The following HOOK3 variants were observed in gnomAD, a reference collection of about 807,000 sequenced individuals.
HOOK3 encodes hook microtubule tethering protein 3.
HOOK3 carries 24 observed loss-of-function variants against 116.3 expected under a neutral mutation model. The ratio of observed to expected loss-of-function variants is 0.21; its 90% CI spans 0.15 to 0.29. The LOEUF (loss-of-function observed/expected upper bound fraction) is 0.29. Ranked by LOEUF, HOOK3 falls within the 10% of genes least tolerant of loss-of-function variation. HOOK3 has a pLI of 1.00. For missense variants in HOOK3, 632 were observed against 830.2 expected (o/e 0.76, Z 2.93); for synonymous variants, 275 against 283.0 (o/e 0.97, Z 0.28).
At chr8:42,938,969 C>T (rs986857810) in intron 4 of HOOK3, among the ~76,000 whole-genome samples, 3 of 152,084 alleles carry the variant, frequency 2.0e-5, no homozygotes, top group Admixed American at 6.6e-5. Flanking sequence ...ACATCTTGCA[C>T]CGCCCTTAAT....
rs1810004148 is a variant in HOOK3 at position 43,030,192 on chromosome 8, C to T, written c.*11694C>T. The T allele has an allele frequency of 1.0e-5, 2 of 200,750 alleles. No individual in the cohort carries two copies. The highest frequency in any genetic ancestry group is 2.0e-5 in the Non-Finnish European group (2 of 97,586). 12.4% of individuals were successfully genotyped at this position (200,750 alleles called of 1,614,324 possible). A position where few individuals can be genotyped will look rare whatever the true frequency, so the allele number is the denominator to read the frequency against. ...ATTGGTGGGTTTTCTGGCTGTTTTT[C>T]TGAGGTGAATGACTTGTTACAGAGC... On this transcript the variant is annotated 3_prime_UTR_variant, in exon 22 of 22. Transcript: ENST00000307602.
intron 7 of HOOK3, among the ~76,000 whole-genome samples, chr8:42,958,469 A>G (rs1214403747): frequency 6.6e-6 from 1 of 152,116 alleles, no homozygotes; most frequent in African/African-American, 2.4e-5. Flanking sequence ...AGAGTAAACA[A>G]ATTTTTTAAC....
Position 42,989,093 on chromosome 8 carries a change from A to G in HOOK3, c.1532+2298A>G, listed in dbSNP as rs559767137. On this transcript the variant is annotated intron_variant, in intron 15 of 21. Coordinates refer to ENST00000307602, the MANE Select transcript of HOOK3 (RefSeq NM_032410.4). ...TTCCCAAGAGTGAGCACTTTAGTGT[A>G]TCTGTAATACCTGCCAATCCTCAAA... 4.6e-5 allele frequency among the ~76,000 whole-genome samples: 7 copies of G among 152,284 alleles called. No homozygotes were observed. In the South Asian group the frequency reaches 1.4e-3, roughly 32 times the overall value.
chr8:42,915,035 T>C (rs537632654), intron 2 of HOOK3, among the ~76,000 whole-genome samples: 1 of 152,300 alleles, frequency 6.6e-6, no homozygotes, highest in South Asian at 2.1e-4. Flanking sequence ...AGATGCCGAC[T>C]TTAGATACTA....
At chr8:42,934,556 G>A (rs992013303) in intron 4 of HOOK3, among the ~76,000 whole-genome samples, 36 of 139,926 alleles carry the variant, frequency 2.6e-4, no homozygotes, top group Non-Finnish European at 2.9e-4. Context: ...CCCCTCCCCC[G>A]CACCAGGCCC....
At chr8:42,978,095 T>A (rs1473765722) in intron 13 of HOOK3, among the ~76,000 whole-genome samples, 1 of 152,210 alleles carries the variant, frequency 6.6e-6, no homozygotes, top group Non-Finnish European at 1.5e-5. Context: ...CAGAGCCAGA[T>A]GAAGAGTTTT....
intron 13 of HOOK3, among the ~76,000 whole-genome samples, chr8:42,975,145 G>C (rs780501873): frequency 6.6e-6 from 1 of 152,186 alleles, no homozygotes; most frequent in Non-Finnish European, 1.5e-5. Flanking sequence ...GAGGGGTTGC[G>C]GGGAGGAGAG....
chr8:42,920,320 T>C (rs1807632356), intron 2 of HOOK3, among the ~76,000 whole-genome samples: 3 of 152,212 alleles, frequency 2.0e-5, no homozygotes, highest in Admixed American at 2.0e-4. Context: ...AAAACATTAC[T>C]GAAATTGTAA....
intron 10 of HOOK3, 94 bp downstream of exon 10, chr8:42,966,707 A>G (rs1247720220): frequency 2.1e-6 from 3 of 1,402,918 alleles, no homozygotes; most frequent in South Asian, 1.3e-5. Context: ...GAGCCAGGCT[A>G]CCTGGGCTGG....
intron 20 of HOOK3, 39 bp from the exon 21 acceptor site, chr8:43,013,290 T>C (rs780718938): frequency 6.7e-7 from 1 of 1,485,202 alleles, no homozygotes; most frequent in Non-Finnish European, 9.1e-7. Flanking sequence ...AGTTATTTTA[T>C]ATCTTTACAT....
intron 4 of HOOK3, among the ~76,000 whole-genome samples, chr8:42,936,618 G>C (rs932179990): frequency 6.6e-6 from 1 of 152,030 alleles, no homozygotes; most frequent in African/African-American, 2.4e-5. Flanking sequence ...GAATTTTATC[G>C]AAGGCCTTTT....
chr8:42,938,217 C>CTTTTTTTTTTTTTTTTTTTTTTTTTTT (rs145868661), intron 4 of HOOK3, among the ~76,000 whole-genome samples: 3 of 132,300 alleles, frequency 2.3e-5, no homozygotes, highest in African/African-American at 5.7e-5. Context: ...GCAACCCCTG[C>CTTTTTTTTTTTTTTTTTTTTTTTTTTT]TTTTTTTTTT....
chr8:42,998,320 G>T (rs1204499981), intron 16 of HOOK3, among the ~76,000 whole-genome samples: 2 of 152,146 alleles, frequency 1.3e-5, no homozygotes, highest in Non-Finnish European at 2.9e-5. Context: ...AAACAACCGA[G>T]CTAAGACTTA....
intron 4 of HOOK3, among the ~76,000 whole-genome samples, chr8:42,939,673 C>T (rs1808061752): frequency 1.3e-5 from 2 of 151,292 alleles, no homozygotes; most frequent in Non-Finnish European, 2.9e-5. Context: ...AGAGACGCTC[C>T]TCACTCCCCA....
intron 2 of HOOK3, among the ~76,000 whole-genome samples, chr8:42,911,203 G>A (rs985266347): frequency 6.6e-6 from 1 of 152,230 alleles, no homozygotes; most frequent in Non-Finnish European, 1.5e-5. Context: ...TGTAATCCCA[G>A]CACTTTGGGA....
At chr8:42,954,555 T>G (rs920640077) in intron 6 of HOOK3, among the ~76,000 whole-genome samples, 1 of 152,204 alleles carries the variant, frequency 6.6e-6, no homozygotes, top group Non-Finnish European at 1.5e-5. Context: ...AAGGAAAAAT[T>G]TTAAATGTCA....
chr8:42,900,687 G>T (rs1807168758), intron 1 of HOOK3, among the ~76,000 whole-genome samples: 1 of 152,216 alleles, frequency 6.6e-6, no homozygotes, highest in Admixed American at 6.5e-5. Flanking sequence ...GTACATACAG[G>T]TTCTGACATT....
At chr8:42,973,606 TTTC>T (rs1808765895) in intron 12 of HOOK3, among the ~76,000 whole-genome samples, 1 of 152,234 alleles carries the variant, frequency 6.6e-6, no homozygotes, top group South Asian at 2.1e-4. Flanking sequence ...TCCATTCAGA[TTTC>T]TTTTTTATAT....
intron 1 of HOOK3, 27 bp from the exon 2 acceptor site, chr8:42,906,146 C>T (rs200599068): frequency 0.011 from 4,140 of 390,924 alleles, 293 homozygotes; most frequent in Non-Finnish European, 0.016. Context: ...CAGAATCTCT[C>T]CCCCCCCCCT....
Sources: allele counts gnomAD v4.1 joint callset (sites outside exome capture counted in the v4.1 genomes callset), GRCh38; gene constraint gnomAD v4.1.1; transcripts MANE v1.5; gene names NCBI Gene and HGNC (gene_info 2026-07-23, HGNC 2026-07-21).